Variants in ASPG observed in about 807,000 individuals in gnomAD.
The protein encoded by ASPG is asparaginase, also known as 60 kDa lysophospholipase.
ASPG carries 53 observed loss-of-function variants against 63.2 expected under a neutral mutation model. The observed-to-expected ratio is 0.84, with a 90% confidence interval of 0.67 to 1.05. The LOEUF is 1.05. Among genes scored for constraint, ASPG ranks in the 50% least tolerant of loss-of-function variants. The pLI is 0.00. For missense variants in ASPG, 741 were observed against 794.4 expected (o/e 0.93, Z 0.81); for synonymous variants, 370 against 355.0 (o/e 1.04, Z -0.48).
chr14:104,088,020 G>A (rs1301906515), intron 1 of ASPG, among the ~76,000 whole-genome samples: 3 of 152,160 alleles, frequency 2.0e-5, no homozygotes, highest in Non-Finnish European at 2.9e-5. Flanking sequence ...GTGTGGCTGC[G>A]AGGTCACCCC....
At chr14:104,086,035 GA>G (rs1171634543) in intron 1 of ASPG, among the ~76,000 whole-genome samples, 183 bp downstream of exon 1, 1 of 152,164 alleles carries the variant, frequency 6.6e-6, no homozygotes, top group African/African-American at 2.4e-5. Flanking sequence ...CCCCGACCTG[GA>G]CAGAGGAGAT....
chr14:104,087,748 G>C (rs1407626828), intron 1 of ASPG, among the ~76,000 whole-genome samples: 1 of 152,188 alleles, frequency 6.6e-6, no homozygotes, highest in South Asian at 2.1e-4. Context: ...CGAGCTGCAG[G>C]GGCAGGTGGA....
chr14:104,088,939 T>G (rs1048738401), intron 1 of ASPG, among the ~76,000 whole-genome samples: 1 of 152,178 alleles, frequency 6.6e-6, no homozygotes, highest in African/African-American at 2.4e-5. Context: ...CCCTTGAAGC[T>G]TTTGGAGGGC....
rs968789195 is a variant in ASPG, at chr14:104,113,071, G to T, written c.*527G>T. Reference sequence around the variant, plus strand: ...CATGCTGCCCCTGCTTAACTCTTTAGTCCTCACAGTCCCGTCCCAGTTGCT... The same window carrying T: ...CATGCTGCCCCTGCTTAACTCTTTATTCCTCACAGTCCCGTCCCAGTTGCT... On this transcript the variant is annotated 3_prime_UTR_variant, in exon 16 of 16. Coordinates refer to ENST00000551177, the MANE Select transcript of ASPG (RefSeq NM_001080464.3). The T allele has an allele frequency of 1.1e-4, 22 of 203,430 alleles. No homozygotes were observed. Among genetic ancestry groups the T allele is most frequent in the African/African-American group, 4.9e-4 (21 of 43,060 alleles). 12.6% of individuals were successfully genotyped at this position (203,430 alleles called of 1,614,324 possible). A position where few individuals can be genotyped will look rare whatever the true frequency, so the allele number is the denominator to read the frequency against.
chr14:104,109,216 C>T lies in ASPG; in HGVS notation c.1434-13C>T. 1 of 1,612,602 alleles carries T rather than the reference C, an allele frequency of 6.2e-7. No homozygotes were observed. On this transcript the variant is annotated splice_polypyrimidine_tract_variant and intron_variant, in intron 12 of 15. Transcript: ENST00000551177. The surrounding 1 kb of genome is among the most constrained non-coding windows in gnomAD (Gnocchi z 4.8). ...GGCCAGGGCAGAAGGTCAGCATGCT[C>T]ATTCTCACACAGGCATCCGGGTGTC...
At position 104,104,728 on chromosome 14, in the gene ASPG, G is replaced by C; in HGVS notation, c.1043G>C (p.Arg348Thr). Residue 348 changes from arginine to threonine, a missense_variant, in exon 9 of 16, where the codon AGG becomes ACG. Physicochemically the swap from Arg to Thr is moderately conservative, Grantham distance 71 (BLOSUM62 -1). Coordinates refer to ENST00000551177, the MANE Select transcript of ASPG (RefSeq NM_001080464.3). ...LGQPGLSLDVRKELLTKDLRG... is the reference protein window; with the variant it reads ...LGQPGLSLDVTKELLTKDLRG... ...CAGCCAGGGCTGAGCCTGGATGTCA[G>C]GAAGGAGGTGCGGGCGCTCTCGGGC... The C allele has an allele frequency of 6.3e-7, 1 of 1,593,258 alleles. No individual in the cohort carries two copies. Among genetic ancestry groups the C allele is most frequent in the South Asian group, 1.1e-5 (1 of 89,690 alleles).
intron 6 of ASPG, among the ~76,000 whole-genome samples, chr14:104,101,689 T>C (rs753341919): frequency 1.3e-5 from 2 of 152,176 alleles, no homozygotes; most frequent in Non-Finnish European, 2.9e-5. Context: ...TCACCAGCCA[T>C]GGGTCCTTAC....
intron 1 of ASPG, among the ~76,000 whole-genome samples, chr14:104,087,205 C>A (rs946644644): frequency 1.3e-5 from 2 of 152,180 alleles, no homozygotes; most frequent in Non-Finnish European, 2.9e-5. Flanking sequence ...GTCCAGGCTG[C>A]CGGGAGCCTC....
At position 104,107,215 on chromosome 14, in the gene ASPG, C is replaced by A; in HGVS notation, c.1303C>A (p.Gln435Lys). Residue 435 changes from glutamine (Q) to lysine (K), a missense_variant, in exon 12 of 16, where the codon CAA (glutamine) becomes AAA (lysine). Gln to Lys is a moderately conservative substitution (Grantham distance 53). Coordinates refer to ENST00000551177, the MANE Select transcript of ASPG (RefSeq NM_001080464.3). ...SDLGLVDFNG[Q>K]TPLHAAARGG... ...CCTGGGCCTGGTGGACTTTAACGGC[C>A]AAACCCCACTGCACGCGGCCGCCCG... The A allele has an allele frequency of 6.3e-7, 1 of 1,596,216 alleles. No individual in the cohort carries two copies. Among genetic ancestry groups the A allele is most frequent in the Non-Finnish European group, 8.5e-7 (1 of 1,170,316 alleles).
intron 10 of ASPG, 48 bp from the exon 11 acceptor site, chr14:104,106,751 G>T: frequency 6.6e-7 from 1 of 1,509,038 alleles, no homozygotes; most frequent in South Asian, 1.2e-5. Context: ...AGTTCCACCA[G>T]ATGCCAAAGG....
In ASPG at chr14:104,098,964, G is replaced by C. The variant is rs571329229; in HGVS notation, c.625G>C (p.Gly209Arg). The change falls in exon 6 of 16, where the codon GGT (glycine) becomes CGT (arginine). Residue 209 changes from glycine (G) to arginine (R), a missense_variant. Gly to Arg is a moderately radical substitution (Grantham distance 125, BLOSUM62 -2). Transcript: ENST00000551177. ...SPNLLPLATV[G>R]ADITINRELV... ...GAACCTGCTGCCTCTGGCCACAGTG[G>C]GTGCTGACATCACAAGTAAGCCCCG... 3 of 1,596,164 alleles carry C rather than the reference G, an allele frequency of 1.9e-6. No individual in the cohort carries two copies. Among genetic ancestry groups the C allele is most frequent in the East Asian group, 2.3e-5 (1 of 44,166 alleles).
intron 1 of ASPG, among the ~76,000 whole-genome samples, chr14:104,089,872 G>T (rs941950): frequency 6.7e-6 from 1 of 149,008 alleles, no homozygotes; most frequent in Admixed American, 6.7e-5. Flanking sequence ...TGCTTGAGCC[G>T]GGTGGGTGGA....
chr14:104,094,881 C>CG (rs1566827067), intron 3 of ASPG, among the ~76,000 whole-genome samples: 1 of 152,226 alleles, frequency 6.6e-6, no homozygotes, highest in East Asian at 1.9e-4. Flanking sequence ...CCCAGGCCTA[C>CG]GGGGCTTGGT....
intron 6 of ASPG, 52 bp from the exon 7 acceptor site, chr14:104,103,511 C>T (rs2141028515): frequency 1.3e-6 from 2 of 1,487,234 alleles, no homozygotes; most frequent in East Asian, 2.5e-5. Flanking sequence ...GGGCTGGGGT[C>T]TCGGCTGGCA....
Position 104,110,423 on chromosome 14 carries a change from A to G in ASPG, c.1521-1079A>G. The G allele has an allele frequency of 1.0e-6, 1 of 985,306 alleles. No homozygotes were observed. The highest frequency in any genetic ancestry group is 4.7e-5 in the South Asian group (1 of 21,280). 61.0% of individuals were successfully genotyped at this position (985,306 alleles called of 1,614,324 possible). ...ACTCCAGACAGGCCTTGCTGGCTCC[A>G]TTGACAGATGGGGAAACTGAGGCAG... On this transcript the variant is annotated intron_variant, in intron 13 of 15. Transcript: ENST00000551177. This position sits in a 1 kb window ranked among gnomAD's most constrained non-coding sequence, Gnocchi z 4.7.
chr14:104,095,369 C>T (rs1474811672), intron 3 of ASPG, among the ~76,000 whole-genome samples, 162 bp from the exon 4 acceptor site: 3 of 152,112 alleles, frequency 2.0e-5, no homozygotes, highest in Non-Finnish European at 4.4e-5. Flanking sequence ...CAGGACTCCA[C>T]GCCAGGGGCT....
At chr14:104,102,911 G>C (rs1191101493) in intron 6 of ASPG, among the ~76,000 whole-genome samples, 2 of 152,200 alleles carry the variant, frequency 1.3e-5, no homozygotes, top group Non-Finnish European at 2.9e-5. Context: ...CACCCACCCT[G>C]GGTGTGGGGA....
intron 4 of ASPG, among the ~76,000 whole-genome samples, chr14:104,097,302 CA>C (rs1455758144): frequency 2.0e-5 from 3 of 152,160 alleles, no homozygotes; most frequent in Admixed American, 2.0e-4. Flanking sequence ...TGCAGGCTGG[CA>C]TCGTCTGCAG....
At chr14:104,089,176 G>A (rs2036296440) in intron 1 of ASPG, among the ~76,000 whole-genome samples, 1 of 151,326 alleles carries the variant, frequency 6.6e-6, no homozygotes, top group Non-Finnish European at 1.5e-5. Context: ...GCCCGCCACC[G>A]TGCCCGGCTG....
Sources: gnomAD v4.1 joint callset for allele counts (sites outside exome capture counted in the v4.1 genomes callset) on GRCh38, gnomAD v4.1.1 for gene constraint, Gnocchi (gnomAD v3.1) non-coding constraint, MANE v1.5 for transcripts, NCBI Gene and HGNC (gene_info 2026-07-23, HGNC 2026-07-21) for gene names.